The following GNG7 variants were observed in gnomAD, a reference collection of about 807,000 sequenced individuals.
GNG7 encodes G protein subunit gamma 7, also known as guanine nucleotide-binding protein G(I)/G(S)/G(O) subunit gamma-7.
GNG7 carries 1 observed loss-of-function variant against 4.0 expected under a neutral mutation model. The observed-to-expected ratio is 0.25, with a 90% CI of 0.09 to 1.18. The LOEUF (loss-of-function observed/expected upper bound fraction) is 1.18. Among genes scored for constraint, GNG7 ranks in the 50% most tolerant of loss-of-function variants. The probability of loss-of-function intolerance (pLI) is 0.50; values close to 1 mark genes in which losing one functional copy is unlikely to be tolerated. For missense variants in GNG7, 86 were observed against 91.9 expected, an observed-to-expected ratio of 0.94 and a Z score of 0.26; for synonymous variants, 34 against 36.9, an observed-to-expected ratio of 0.92 and a Z score of 0.29.
intron 2 of GNG7, among the ~76,000 whole-genome samples, chr19:2,598,982 A>C (rs2144810017): frequency 6.6e-6 from 1 of 152,322 alleles, no homozygotes; most frequent in South Asian, 2.1e-4. Context: ...TGGAAAGTGA[A>C]GTTTCTAGCA....
At chr19:2,606,651 G>T (rs1981391677) in intron 2 of GNG7, among the ~76,000 whole-genome samples, 1 of 62,672 alleles carries the variant, frequency 1.6e-5, no homozygotes, top group Admixed American at 1.6e-4. Flanking sequence ...GTGAAACTCT[G>T]TCTCAAAAAA....
chr19:2,664,474 G>A (rs979836281), intron 1 of GNG7, among the ~76,000 whole-genome samples: 4 of 152,136 alleles, frequency 2.6e-5, no homozygotes, highest in Non-Finnish European at 5.9e-5. Context: ...GCGTGACCTG[G>A]AACAGGCTCC....
rs191247813 is a variant in GNG7 at position 2,559,058 on chromosome 19, C to G, written c.-77-3870G>C. Among the ~76,000 whole-genome samples the G allele has an allele frequency of 2.5e-3, 380 of 152,060 alleles. 1 individual carries two copies. The highest frequency in any genetic ancestry group is 4.5e-3 in the Non-Finnish European group (303 of 67,998). ...ATGTGATCCACCCACCTTGGCCCCC[C>G]CAAAGTGCTGGGATTATAAGCGTGA... On this transcript the variant is annotated intron_variant, in intron 2 of 4. Transcript: ENST00000382159.
At chr19:2,575,620 G>GGC (rs1980293245) in intron 2 of GNG7, among the ~76,000 whole-genome samples, 2 of 133,798 alleles carry the variant, frequency 1.5e-5, no homozygotes, top group Non-Finnish European at 3.1e-5. Context: ...GGCACACACA[G>GGC]ACATGCAGGC....
At position 2,670,674 on chromosome 19, in the gene GNG7, C is replaced by T. The variant is rs138722183; in HGVS notation, c.-134-24394G>A. Among the ~76,000 whole-genome samples, 50 of 152,268 alleles carry T rather than the reference C, an allele frequency of 3.3e-4. 1 individual carries two copies. The East Asian group carries it at 8.7e-3, about 26-fold the overall frequency. ...AGGCACTGGGGCTGGAGTGTTCTCT[C>T]GGGCGGGGCTGTGCTGGGCACTGCA... On this transcript the variant is annotated intron_variant, in intron 1 of 4. Transcript: ENST00000382159.
At chr19:2,625,593 G>A (rs1386546704) in intron 2 of GNG7, among the ~76,000 whole-genome samples, 2 of 152,100 alleles carry the variant, frequency 1.3e-5, no homozygotes, top group Non-Finnish European at 2.9e-5. Flanking sequence ...TTGTAGAAGG[G>A]CCATGGGTCA....
intron 2 of GNG7, among the ~76,000 whole-genome samples, chr19:2,575,130 G>A (rs571274232): frequency 6.7e-6 from 1 of 149,632 alleles, no homozygotes; most frequent in South Asian, 2.1e-4. Context: ...TATTGCCCAG[G>A]CTGGAGTGCA....
At chr19:2,652,900 T>C (rs995586207) in intron 1 of GNG7, among the ~76,000 whole-genome samples, 96 of 151,526 alleles carry the variant, frequency 6.3e-4, no homozygotes, top group African/African-American at 2.2e-3. Context: ...CTGGGCAACA[T>C]AGCAAGACCC....
chr19:2,572,115 G>A (rs751308191), intron 2 of GNG7, among the ~76,000 whole-genome samples: 19 of 151,128 alleles, frequency 1.3e-4, no homozygotes, highest in African/African-American at 2.7e-4. Context: ...TCCACCTCCC[G>A]AGCTCAAGCG....
chr19:2,559,127 A>AATATAT (rs61026682), intron 2 of GNG7, among the ~76,000 whole-genome samples: 8 of 151,176 alleles, frequency 5.3e-5, no homozygotes, highest in East Asian at 1.9e-4. Context: ...AGTCACAAAG[A>AATATAT]ATATATATAT....
chr19:2,540,903 C>T (rs1599380780), intron 3 of GNG7, among the ~76,000 whole-genome samples: 1 of 152,212 alleles, frequency 6.6e-6, no homozygotes, highest in Non-Finnish European at 1.5e-5. Context: ...GGGAAAGTGC[C>T]ACTCCCGGCT....
intron 2 of GNG7, among the ~76,000 whole-genome samples, chr19:2,621,670 C>T (rs1981873934): frequency 6.6e-6 from 1 of 152,142 alleles, no homozygotes. Flanking sequence ...GCACTCCAGC[C>T]TGGGTGACAG....
At chr19:2,573,800 G>C (rs543441331) in intron 2 of GNG7, among the ~76,000 whole-genome samples, 19 of 152,178 alleles carry the variant, frequency 1.2e-4, no homozygotes, top group Non-Finnish European at 2.6e-4. Context: ...CCGAGATCAC[G>C]CCACTGCACT....
chr19:2,539,524 C>T (rs181929408), intron 3 of GNG7, among the ~76,000 whole-genome samples: 1,704 of 152,018 alleles, frequency 0.011, 38 homozygotes, highest in African/African-American at 0.039. Context: ...AGGCTGGTCT[C>T]GAACTCCTGA....
At chr19:2,620,386 C>A (rs1431770992) in intron 2 of GNG7, among the ~76,000 whole-genome samples, 2 of 151,990 alleles carry the variant, frequency 1.3e-5, no homozygotes, top group South Asian at 2.1e-4. Flanking sequence ...CTGTCCTGAT[C>A]CCCCAACCCA....
chr19:2,642,349 T>C lies in GNG7; in HGVS notation c.-78+3875A>G, dbSNP rs1185075963. The C allele has an allele frequency of 1.8e-5, 4 of 228,250 alleles. No homozygotes were observed. In the East Asian group the frequency reaches 3.2e-4, roughly 18 times the overall value. The allele number at this position is 228,250 out of a possible 1,614,324, so 14.1% of individuals were successfully genotyped here. A position where few individuals can be genotyped will look rare whatever the true frequency, so the allele number is the denominator to read the frequency against. On this transcript the variant is annotated intron_variant, in intron 2 of 4. Transcript: ENST00000382159. Reference sequence around the variant, plus strand: ...AGCTCCGCAGCTGCTAGCGTTTCCCTGTCGAAATGAATGGGGTTATTTGTT... The same window carrying C: ...AGCTCCGCAGCTGCTAGCGTTTCCCCGTCGAAATGAATGGGGTTATTTGTT...
Position 2,557,122 on chromosome 19 carries a change from C to T in GNG7, c.-77-1934G>A, listed in dbSNP as rs1006702200. On this transcript the variant is annotated intron_variant, in intron 2 of 4. Coordinates refer to ENST00000382159, the MANE Select transcript of GNG7 (RefSeq NM_052847.3). This position sits in a 1 kb window ranked among gnomAD's most constrained non-coding sequence, Gnocchi z 5.1. ...ATACTCAGACACACGCACACACGTA[C>T]ACACGTGTACTGCACACTCACGCAC... 2.0e-5 allele frequency among the ~76,000 whole-genome samples: 3 copies of T among 151,694 alleles called. No homozygotes were observed. The highest frequency in any genetic ancestry group is 4.4e-5 in the Non-Finnish European group (3 of 67,924).
chr19:2,682,422 C>A (rs1330063735), intron 1 of GNG7, among the ~76,000 whole-genome samples: 1 of 151,034 alleles, frequency 6.6e-6, no homozygotes, highest in African/African-American at 2.4e-5. Context: ...CCCAGCATTT[C>A]GGGAGGCCAA....
intron 1 of GNG7, among the ~76,000 whole-genome samples, chr19:2,657,355 AAAAAAAATATATATATAT>A (rs1236763470): frequency 0.022 from 420 of 19,174 alleles, 29 homozygotes; most frequent in African/African-American, 0.048. Flanking sequence ...AAAAAAAAAA[AAAAAAAATATATATATAT>A]ATATATATAT....
Sources: gnomAD v4.1 joint callset for allele counts (sites outside exome capture counted in the v4.1 genomes callset) on GRCh38, gnomAD v4.1.1 for gene constraint, Gnocchi (gnomAD v3.1) non-coding constraint, MANE v1.5 for transcripts, NCBI Gene and HGNC (gene_info 2026-07-23, HGNC 2026-07-21) for gene names.